The following CNTNAP2 variants were observed in gnomAD, a reference collection of about 807,000 sequenced individuals.
CNTNAP2 encodes the protein contactin-associated protein-like 2.
A neutral mutation model predicts 155.2 loss-of-function variants in CNTNAP2; 98 were observed. That is an observed-to-expected ratio of 0.63 (90% CI 0.54 to 0.75). The LOEUF is 0.75. Among genes scored for constraint, CNTNAP2 ranks in the 30% least tolerant of loss-of-function variants. The pLI is 0.00. For missense variants in CNTNAP2, 1,727 were observed against 1,688.1 expected, an observed-to-expected ratio of 1.02 and a Z score of -0.40; for synonymous variants, 651 against 631.2, an observed-to-expected ratio of 1.03 and a Z score of -0.47.
chr7:146,805,495 G>C (rs762219407), intron 2 of CNTNAP2, among the ~76,000 whole-genome samples: 1 of 152,114 alleles, frequency 6.6e-6, no homozygotes, highest in African/African-American at 2.4e-5. Context: ...CCACTAGCCT[G>C]GGAGCAGGAT....
intron 1 of CNTNAP2, among the ~76,000 whole-genome samples, chr7:146,471,755 T>C (rs1796802485): frequency 6.6e-6 from 1 of 152,254 alleles, no homozygotes; most frequent in South Asian, 2.1e-4. Flanking sequence ...TAGGCACATT[T>C]TGAATTATCC....
chr7:148,381,592 A>C (rs1219183513), intron 21 of CNTNAP2: 1 of 152,214 alleles, frequency 6.6e-6, no homozygotes, highest in Admixed American at 6.5e-5. Context: ...TCTCTCTGCC[A>C]GCTGAGTATG....
intron 1 of CNTNAP2, among the ~76,000 whole-genome samples, chr7:146,649,505 T>C (rs1799869521): frequency 6.6e-6 from 1 of 152,182 alleles, no homozygotes; most frequent in Admixed American, 6.6e-5. Flanking sequence ...ACATGAGTTT[T>C]TCACTGCTGT....
At chr7:147,636,974 A>G (rs1446042921) in intron 12 of CNTNAP2, among the ~76,000 whole-genome samples, 1 of 152,096 alleles carries the variant, frequency 6.6e-6, no homozygotes, top group East Asian at 1.9e-4. Context: ...GCAGGTGCAG[A>G]GGCACTAAGG....
intron 11 of CNTNAP2, among the ~76,000 whole-genome samples, chr7:147,559,600 A>G (rs994244992): frequency 2.0e-5 from 3 of 152,170 alleles, no homozygotes; most frequent in Non-Finnish European, 2.9e-5. Context: ...GAAAAAGACA[A>G]TGATTTATTA....
At chr7:147,315,887 T>G (rs145408893) in intron 9 of CNTNAP2, among the ~76,000 whole-genome samples, 1,742 of 152,240 alleles carry the variant, frequency 0.011, 26 homozygotes, top group Middle Eastern at 0.027. Flanking sequence ...GTTTATTCAA[T>G]TCATGTAACA....
At position 148,378,542 on chromosome 7, in the gene CNTNAP2, G is replaced by A. The variant is rs771797044; in HGVS notation, c.3476-5107G>A. 3.0e-5 allele frequency among the ~76,000 whole-genome samples: 2 copies of A among 66,910 alleles called. 1 individual carries two copies. The highest frequency in any genetic ancestry group is 8.3e-5 in the Non-Finnish European group (2 of 23,986). The allele number at this position is 66,910 out of a possible 152,430, so 43.9% of individuals were successfully genotyped here. The stretch of plus-strand genomic sequence containing the variant: ...ATTTCTAGTGGCCTCCTTTACTGTT[G>A]TTTACTTAACATTTTCCTTTAAATG... On this transcript the variant is annotated intron_variant, in intron 21 of 23. Transcript: ENST00000361727.
intron 21 of CNTNAP2, among the ~76,000 whole-genome samples, chr7:148,306,376 T>C (rs1325855402): frequency 6.6e-6 from 1 of 152,214 alleles, no homozygotes; most frequent in Non-Finnish European, 1.5e-5. Context: ...GAATAGATTT[T>C]GGGGGACAAT....
chr7:148,108,247 T>C (rs989699296), intron 15 of CNTNAP2, among the ~76,000 whole-genome samples: 1 of 151,994 alleles, frequency 6.6e-6, no homozygotes. Context: ...AGTCGTCAGG[T>C]CCCTCCTCCT....
chr7:147,094,460 G>T (rs1800482578), intron 4 of CNTNAP2, among the ~76,000 whole-genome samples: 1 of 147,312 alleles, frequency 6.8e-6, no homozygotes, highest in Non-Finnish European at 1.5e-5. Context: ...GGAGTGCGGT[G>T]CCGCGATCTC....
rs543185525 is a variant in CNTNAP2 at position 146,403,311 on chromosome 7, A to G, written c.97+286338A>G. 1.3e-4 allele frequency among the ~76,000 whole-genome samples: 20 copies of G among 152,302 alleles called. No homozygotes were observed. The South Asian group carries it at 3.7e-3, about 28-fold the overall frequency. On this transcript the variant is annotated intron_variant, in intron 1 of 23. Coordinates refer to ENST00000361727, the MANE Select transcript of CNTNAP2 (RefSeq NM_014141.6). ...GCTATCATATTCGGATGACATAATT[A>G]TAACTTAGACTAACAAAGTTTGGGT...
At chr7:147,967,163 G>A (rs1362300659) in intron 14 of CNTNAP2, among the ~76,000 whole-genome samples, 3 of 152,082 alleles carry the variant, frequency 2.0e-5, no homozygotes, top group Non-Finnish European at 4.4e-5. Flanking sequence ...AAAATGTAAG[G>A]AACTCCTGTT....
intron 1 of CNTNAP2, among the ~76,000 whole-genome samples, chr7:146,513,403 G>C (rs1359606864): frequency 4.6e-5 from 7 of 151,118 alleles, no homozygotes; most frequent in Non-Finnish European, 8.9e-5. Context: ...CTTCCGTTTG[G>C]GTTTAGTAAT....
intron 1 of CNTNAP2, among the ~76,000 whole-genome samples, chr7:146,457,473 C>T (rs1157452404): frequency 3.4e-5 from 2 of 58,646 alleles, no homozygotes; most frequent in Non-Finnish European, 6.8e-5. Context: ...TTTATAGCTT[C>T]AAAAATGAAT....
In CNTNAP2 at chr7:146,939,156, C is replaced by T. The variant is rs149913082; in HGVS notation, c.402+99252C>T. Reference sequence around the variant, plus strand: ...CACATGATCAACTGTAAATCTACCCCCAAATGAGAAAAAATGCATTTTTTC... The same window carrying T: ...CACATGATCAACTGTAAATCTACCCTCAAATGAGAAAAAATGCATTTTTTC... On this transcript the variant is annotated intron_variant, in intron 3 of 23. Transcript: ENST00000361727. Among the ~76,000 whole-genome samples, 551 of 152,138 alleles carry T rather than the reference C, an allele frequency of 3.6e-3. 3 individuals are homozygous for T. Among genetic ancestry groups the T allele is most frequent in the African/African-American group, 0.012 (518 of 41,536 alleles).
At chr7:148,331,724 T>A (rs7456977) in intron 21 of CNTNAP2, among the ~76,000 whole-genome samples, 10,857 of 29,312 alleles carry the variant, frequency 0.37, 932 homozygotes, top group East Asian at 0.43. Flanking sequence ...GACGGATGGA[T>A]TGGATGGATG....
At chr7:146,133,352 A>G (rs1797746390) in intron 1 of CNTNAP2, among the ~76,000 whole-genome samples, 1 of 151,730 alleles carries the variant, frequency 6.6e-6, no homozygotes, top group Non-Finnish European at 1.5e-5. Flanking sequence ...ATTTTCTCCC[A>G]TTTTGTAGGT....
At chr7:146,942,187 G>A (rs575321167) in intron 3 of CNTNAP2, among the ~76,000 whole-genome samples, 36 of 151,928 alleles carry the variant, frequency 2.4e-4, no homozygotes, top group African/African-American at 8.4e-4. Flanking sequence ...GAATGGAATG[G>A]AAAAATACCT....
chr7:146,406,861 G>T (rs911290192), intron 1 of CNTNAP2, among the ~76,000 whole-genome samples: 1 of 152,224 alleles, frequency 6.6e-6, no homozygotes, highest in African/African-American at 2.4e-5. Flanking sequence ...AAGCAGCCAG[G>T]TGAAGGCATC....
Sources: gnomAD v4.1 joint callset for allele counts (sites outside exome capture counted in the v4.1 genomes callset) on GRCh38, gnomAD v4.1.1 for gene constraint, MANE v1.5 for transcripts, NCBI Gene and HGNC (gene_info 2026-07-23, HGNC 2026-07-21) for gene names.